Variants in JARID2 observed in about 807,000 individuals in gnomAD.
JARID2 encodes protein Jumonji.
A neutral mutation model predicts 125.6 loss-of-function variants in JARID2; 21 were observed. The ratio of observed to expected loss-of-function variants is 0.17; its 90% confidence interval spans 0.12 to 0.24. The LOEUF (loss-of-function observed/expected upper bound fraction) is 0.24, where lower values mean the gene tolerates loss of function less well. Among genes scored for constraint, JARID2 ranks in the 10% least tolerant of loss-of-function variants. JARID2 has a pLI of 1.00. For synonymous variants in JARID2, 736 were observed against 661.6 expected (o/e 1.11, Z -1.73); for missense variants, 1,303 against 1,639.6 (o/e 0.79, Z 3.55).
intron 1 of JARID2, among the ~76,000 whole-genome samples, chr6:15,334,522 T>A (rs550262818): frequency 1.3e-5 from 2 of 152,340 alleles, no homozygotes; most frequent in East Asian, 3.9e-4. Context: ...TTCAAGCTAG[T>A]CTGGATTTGA....
intron 3 of JARID2, among the ~76,000 whole-genome samples, chr6:15,444,169 TA>T: frequency 6.6e-6 from 1 of 152,148 alleles, no homozygotes; most frequent in East Asian, 1.9e-4. Context: ...TAACTCTGCT[TA>T]CAGAGCCAGC....
intron 1 of JARID2, among the ~76,000 whole-genome samples, chr6:15,308,971 CT>C (rs1761924987): frequency 6.6e-6 from 1 of 152,154 alleles, no homozygotes; most frequent in Non-Finnish European, 1.5e-5. Context: ...CATGAGTGAC[CT>C]TTTTGGTTGA....
intron 4 of JARID2, among the ~76,000 whole-genome samples, chr6:15,457,587 C>T (rs577052953): frequency 6.0e-5 from 9 of 149,624 alleles, no homozygotes; most frequent in South Asian, 2.1e-4. Context: ...ATGTTTGTTG[C>T]TAAGGATCCA....
chr6:15,484,620 C>T (rs1351692678), intron 5 of JARID2, among the ~76,000 whole-genome samples: 1 of 152,160 alleles, frequency 6.6e-6, no homozygotes, highest in Admixed American at 6.6e-5. Context: ...CTGCTATTCC[C>T]CAGTCTATAG....
intron 3 of JARID2, among the ~76,000 whole-genome samples, chr6:15,442,023 C>A (rs529331644): frequency 2.0e-5 from 3 of 151,946 alleles, no homozygotes; most frequent in African/African-American, 7.3e-5. Flanking sequence ...CTCAGGTGAT[C>A]CCCCACGCCT....
At chr6:15,359,114 T>C (rs1352344004) in intron 1 of JARID2, among the ~76,000 whole-genome samples, 1 of 152,202 alleles carries the variant, frequency 6.6e-6, no homozygotes, top group Non-Finnish European at 1.5e-5. Flanking sequence ...CAGTGAAGAA[T>C]GTTTTAGGGA....
At chr6:15,507,496 C>T in intron 11 of JARID2, 80 bp downstream of exon 11, 1 of 1,159,762 alleles carries the variant, frequency 8.6e-7, no homozygotes, top group Non-Finnish European at 1.3e-6. Context: ...TGGGAAATCC[C>T]TTCTAAGCAC....
At chr6:15,507,642 G>C (rs1771073739) in intron 11 of JARID2, among the ~76,000 whole-genome samples, 1 of 152,232 alleles carries the variant, frequency 6.6e-6, no homozygotes, top group Admixed American at 6.5e-5. Flanking sequence ...AGAGTCTGGA[G>C]CTGGGAGAAG....
At chr6:15,414,038 T>C (rs1378382532) in intron 3 of JARID2, among the ~76,000 whole-genome samples, 1 of 152,220 alleles carries the variant, frequency 6.6e-6, no homozygotes, top group African/African-American at 2.4e-5. Context: ...ACTTGTAGAT[T>C]TAATTACTCC....
At chr6:15,497,665 A>AAAAAAAG (rs59510145) in intron 7 of JARID2, among the ~76,000 whole-genome samples, 2 of 149,848 alleles carry the variant, frequency 1.3e-5, no homozygotes, top group Non-Finnish European at 3.0e-5. Context: ...AAAAAAAAAA[A>AAAAAAAG]GTATTGAGCT....
At chr6:15,298,095 C>T (rs776401343) in intron 1 of JARID2, among the ~76,000 whole-genome samples, 1 of 152,138 alleles carries the variant, frequency 6.6e-6, no homozygotes, top group Non-Finnish European at 1.5e-5. Flanking sequence ...TTTTAGGGAG[C>T]TTACCCAACT....
chr6:15,410,349 G>T lies in JARID2; in HGVS notation c.307G>T (p.Gly103Trp), dbSNP rs1765824495. Residue 103 changes from glycine to tryptophan, a missense_variant, in exon 3 of 18, where the codon GGG becomes TGG. Gly to Trp is a radical substitution (Grantham distance 184). Around this residue, in one of 11 missense-constraint regions of JARID2, gnomAD observed 3 missense variants for 21.7 expected, o/e 0.14. Coordinates refer to ENST00000341776, the MANE Select transcript of JARID2 (RefSeq NM_004973.4). ...TGTTAGTTCTTCAGATTTTGAAGAA[G>T]GGCCGTCGAGGAAAAGGTTAGTACC... ...NDVSSSDFEE[G>W]PSRKRPRLQA... The T allele has an allele frequency of 6.2e-7, 1 of 1,613,880 alleles. No individual in the cohort carries two copies. The highest frequency in any genetic ancestry group is 1.3e-5 in the African/African-American group (1 of 74,892).
At chr6:15,327,183 G>A (rs1447568697) in intron 1 of JARID2, among the ~76,000 whole-genome samples, 1 of 152,014 alleles carries the variant, frequency 6.6e-6, no homozygotes, top group African/African-American at 2.4e-5. Flanking sequence ...GGTTGGTGCT[G>A]TTTCTTTTTT....
chr6:15,482,824 G>T (rs1769687055), intron 5 of JARID2, among the ~76,000 whole-genome samples: 1 of 152,112 alleles, frequency 6.6e-6, no homozygotes, highest in African/African-American at 2.4e-5. Context: ...ATATCCATTG[G>T]TTTGTCTTTT....
chr6:15,252,374 C>T lies in JARID2; in HGVS notation c.45+5790C>T, dbSNP rs979313310. Among the ~76,000 whole-genome samples the T allele has an allele frequency of 1.1e-3, 170 of 152,042 alleles. 1 individual carries two copies. The highest frequency in any genetic ancestry group is 3.6e-3 in the African/African-American group (148 of 41,462). On this transcript the variant is annotated intron_variant, in intron 1 of 17. Transcript: ENST00000341776. The stretch of plus-strand genomic sequence containing the variant: ...CCCATTAACTAACCAACTTCTGGTT[C>T]TTGTCATCTCTGATAAGAGTGCTTC...
chr6:15,247,672 G>A (rs781324283), intron 1 of JARID2: 32 of 985,202 alleles, frequency 3.2e-5, no homozygotes, highest in Non-Finnish European at 3.9e-5. Flanking sequence ...AATGAGAGAT[G>A]ACCTTCGGGG....
At chr6:15,304,303 TC>T (rs61333394) in intron 1 of JARID2, among the ~76,000 whole-genome samples, 3,822 of 26,164 alleles carry the variant, frequency 0.15, 178 homozygotes, top group Non-Finnish European at 0.18. Flanking sequence ...AATTTGCTGA[TC>T]CCCCCCCCCC....
intron 3 of JARID2, among the ~76,000 whole-genome samples, chr6:15,423,767 C>T (rs1457934664): frequency 1.3e-5 from 2 of 152,170 alleles, no homozygotes; most frequent in Non-Finnish European, 2.9e-5. Context: ...CATCTCCACT[C>T]CTTGCTGGCC....
intron 3 of JARID2, among the ~76,000 whole-genome samples, chr6:15,440,610 A>G (rs1581568240): frequency 6.6e-6 from 1 of 152,198 alleles, no homozygotes; most frequent in African/African-American, 2.4e-5. Context: ...CCCACTTTCC[A>G]TTGGCACAGT....
Sources: gnomAD v4.1 joint callset for allele counts (sites outside exome capture counted in the v4.1 genomes callset) on GRCh38, gnomAD v4.1.1 for gene constraint, gnomAD v4.1.1 regional missense constraint, MANE v1.5 for transcripts, NCBI Gene and HGNC (gene_info 2026-07-23, HGNC 2026-07-21) for gene names.